Variants in NCK1 observed in about 807,000 individuals in gnomAD.
NCK1 encodes SH2/SH3 adapter protein NCK1.
NCK1 carries 19 observed loss-of-function variants against 36.6 expected under a neutral mutation model. The observed-to-expected ratio is 0.52, with a 90% CI of 0.36 to 0.76. NCK1 has a LOEUF of 0.76. Ranked by LOEUF, NCK1 falls within the 30% of genes least tolerant of loss-of-function variation. NCK1 has a pLI of 0.00. For synonymous variants in NCK1, 165 were observed against 156.0 expected (o/e 1.06, Z -0.43); for missense variants, 358 against 445.6 (o/e 0.80, Z 1.77).
intron 2 of NCK1, among the ~76,000 whole-genome samples, chr3:136,938,655 T>C (rs1940596041): frequency 6.6e-6 from 1 of 152,226 alleles, no homozygotes. Flanking sequence ...AAATGTGTGT[T>C]AGATAAGCTT....
intron 1 of NCK1, among the ~76,000 whole-genome samples, chr3:136,903,445 A>G (rs1002449389): frequency 6.6e-6 from 1 of 152,314 alleles, no homozygotes; most frequent in African/African-American, 2.4e-5. Flanking sequence ...TTTAATTGAG[A>G]TGGAGTTTTG....
chr3:136,905,888 G>A (rs1234110607), intron 1 of NCK1, among the ~76,000 whole-genome samples: 1 of 152,126 alleles, frequency 6.6e-6, no homozygotes, highest in Non-Finnish European at 1.5e-5. Context: ...GTCTCCCAAA[G>A]TGCTAGAATT....
rs1048517298 is a variant in NCK1 at position 136,917,674 on chromosome 3, A to G, written c.-18-10310A>G. Among the ~76,000 whole-genome samples, 8 of 152,312 alleles carry G rather than the reference A, an allele frequency of 5.3e-5. No individual in the cohort carries two copies. In the South Asian group the frequency reaches 1.7e-3, roughly 32 times the overall value. On this transcript the variant is annotated intron_variant, in intron 1 of 3. Coordinates refer to ENST00000481752, the MANE Select transcript of NCK1 (RefSeq NM_001291999.2). Reference sequence around the variant, plus strand: ...ACTCCCATTTTACTTTTGAGGGTCAAGTTACCTAGGTCAGTTCTCTCTCCT... The same window carrying G: ...ACTCCCATTTTACTTTTGAGGGTCAGGTTACCTAGGTCAGTTCTCTCTCCT...
At chr3:136,891,066 T>G (rs1300867162) in intron 1 of NCK1, among the ~76,000 whole-genome samples, 1 of 152,240 alleles carries the variant, frequency 6.6e-6, no homozygotes, top group Non-Finnish European at 1.5e-5. Context: ...GTGTCTAAAG[T>G]TCCTCCCCGA....
intron 1 of NCK1, among the ~76,000 whole-genome samples, chr3:136,895,785 T>A (rs1237006658): frequency 6.6e-6 from 1 of 151,984 alleles, no homozygotes; most frequent in Non-Finnish European, 1.5e-5. Context: ...GGCTGATCTC[T>A]AACTCCTGAC....
intron 1 of NCK1, among the ~76,000 whole-genome samples, chr3:136,880,900 A>C (rs1421127918): frequency 6.6e-6 from 1 of 152,022 alleles, no homozygotes; most frequent in African/African-American, 2.4e-5. Context: ...TTAGGCTACC[A>C]CACCCAGCCA....
At chr3:136,917,232 C>CT (rs11455373) in intron 1 of NCK1, among the ~76,000 whole-genome samples, 51,806 of 139,026 alleles carry the variant, frequency 0.37, 10,117 homozygotes, top group African/African-American at 0.39. Flanking sequence ...ACATTATGAG[C>CT]TTTTTTTTTT....
At chr3:136,890,868 A>G (rs979824721) in intron 1 of NCK1, among the ~76,000 whole-genome samples, 14 of 152,180 alleles carry the variant, frequency 9.2e-5, no homozygotes, top group Non-Finnish European at 1.9e-4. Context: ...CTCTGTACCC[A>G]TTAAACAACA....
At chr3:136,911,967 A>G (rs1939836452) in intron 1 of NCK1, among the ~76,000 whole-genome samples, 2 of 151,960 alleles carry the variant, frequency 1.3e-5, no homozygotes, top group African/African-American at 2.4e-5. Context: ...TCTGCTTATA[A>G]TATCATTGAG....
chr3:136,874,003 A>G (rs953275816), intron 1 of NCK1, among the ~76,000 whole-genome samples: 4 of 152,116 alleles, frequency 2.6e-5, no homozygotes, highest in Non-Finnish European at 5.9e-5. Flanking sequence ...TTTGCTTAAC[A>G]TTGTGTTTGT....
rs551047221 is a variant in NCK1, at chr3:136,879,720, T to G, written c.-19+17367T>G. ...TTCATGTCCTTTGCAGGGACATGGA[T>G]GAAGCTGGAAGCCACCATTCTCAGC... On this transcript the variant is annotated intron_variant, in intron 1 of 3. Coordinates refer to ENST00000481752, the MANE Select transcript of NCK1 (RefSeq NM_001291999.2). Among the ~76,000 whole-genome samples, 16 of 152,082 alleles carry G rather than the reference T, an allele frequency of 1.1e-4. No homozygotes were observed. The South Asian group carries it at 3.1e-3, about 30-fold the overall frequency.
chr3:136,867,097 TTTCTTTCTTTCTTTCTTTCTTTGTTTC>T (rs1175622808), intron 1 of NCK1, among the ~76,000 whole-genome samples: 1 of 26,044 alleles, frequency 3.8e-5, no homozygotes, highest in African/African-American at 1.4e-4. Flanking sequence ...TCTTTCTTTC[TTTCTTTCTTTCTTTCTTTCTTTGTTTC>T]TTTCTTTCCT....
intron 1 of NCK1, among the ~76,000 whole-genome samples, chr3:136,923,036 A>G (rs1207361525): frequency 1.3e-5 from 2 of 152,148 alleles, no homozygotes; most frequent in East Asian, 3.9e-4. Flanking sequence ...CTGCTGTGGA[A>G]TGATCTTAAG....
chr3:136,878,520 C>A (rs939961099), intron 1 of NCK1, among the ~76,000 whole-genome samples: 1 of 152,030 alleles, frequency 6.6e-6, no homozygotes. Flanking sequence ...TTGCATAGGA[C>A]TGGGAGTAGG....
intron 1 of NCK1, among the ~76,000 whole-genome samples, chr3:136,884,264 G>C (rs1480194068): frequency 1.3e-5 from 2 of 152,162 alleles, no homozygotes; most frequent in East Asian, 3.9e-4. Context: ...GCAGTTTCAA[G>C]AAAGAGGGAT....
intron 1 of NCK1, among the ~76,000 whole-genome samples, chr3:136,863,756 G>A (rs1167645719): frequency 6.6e-6 from 1 of 152,176 alleles, no homozygotes; most frequent in Non-Finnish European, 1.5e-5. Context: ...TTTTGACAGT[G>A]CTTTCAGGTC....
At chr3:136,943,592 G>T (rs1036688680) in intron 2 of NCK1, among the ~76,000 whole-genome samples, 2 of 152,194 alleles carry the variant, frequency 1.3e-5, no homozygotes, top group Non-Finnish European at 2.9e-5. Flanking sequence ...TTCAGCTAAG[G>T]AATTCTTCAT....
intron 1 of NCK1, chr3:136,899,506 C>A: frequency 2.4e-6 from 1 of 413,106 alleles, no homozygotes; most frequent in South Asian, 2.6e-5. Context: ...AAATCAGAAT[C>A]ATCCTCAGAA....
intron 2 of NCK1, among the ~76,000 whole-genome samples, chr3:136,941,064 CT>C (rs1052808069): frequency 3.4e-5 from 5 of 148,556 alleles, no homozygotes; most frequent in East Asian, 2.0e-4. Context: ...TTTTCATTTA[CT>C]TTTTTTTCTT....
Sources: gnomAD v4.1 joint callset for allele counts (sites outside exome capture counted in the v4.1 genomes callset) on GRCh38, gnomAD v4.1.1 for gene constraint, MANE v1.5 for transcripts, NCBI Gene and HGNC (gene_info 2026-07-23, HGNC 2026-07-21) for gene names.